The following UNC45B variants were observed in gnomAD, a reference collection of about 807,000 sequenced individuals.
The protein encoded by UNC45B is unc-45 myosin chaperone B.
Under a neutral mutation model 98.7 loss-of-function variants are expected in UNC45B, and 78 were observed. That is an observed-to-expected ratio of 0.79 (90% CI 0.66 to 0.95). The LOEUF is 0.95. Ranked by LOEUF, UNC45B falls within the 40% of genes least tolerant of loss-of-function variation. UNC45B has a pLI of 0.00. For synonymous variants in UNC45B, 462 were observed against 480.4 expected, an observed-to-expected ratio of 0.96 and a Z score of 0.50; for missense variants, 1,225 against 1,184.9, an observed-to-expected ratio of 1.03 and a Z score of -0.50.
intron 18 of UNC45B, among the ~76,000 whole-genome samples, chr17:35,182,249 CT>C (rs2092278688): frequency 6.6e-6 from 1 of 152,076 alleles, no homozygotes; most frequent in African/African-American, 2.4e-5. Flanking sequence ...GCCACCACCC[CT>C]GGCTAATCTT....
At chr17:35,170,919 C>A (rs1350649579) in intron 12 of UNC45B, among the ~76,000 whole-genome samples, 2 of 152,124 alleles carry the variant, frequency 1.3e-5, no homozygotes, top group Non-Finnish European at 2.9e-5. Context: ...GACTCCTTTC[C>A]TCATCTGCTG....
In UNC45B at chr17:35,177,503, G is replaced by C; in HGVS notation, c.2148G>C (p.Glu716Asp). 1 of 1,560,670 alleles carries C rather than the reference G, an allele frequency of 6.4e-7. No individual in the cohort carries two copies. The change falls in exon 17 of 20, where the codon GAG becomes GAC. Residue 716 changes from glutamate to aspartate, a missense_variant. Physicochemically the swap from Glu to Asp is conservative, Grantham distance 45 (BLOSUM62 2). Coordinates refer to ENST00000394570, the MANE Select transcript of UNC45B (RefSeq NM_001267052.2). ...DIAFPGERVY[E>D]VVRPLVRLLD... ...TGACCCCTCCCCAACAGGTGTATGA[G>C]GTGGTGCGGCCCCTTGTAAGACTCT...
intron 2 of UNC45B, 100 bp from the exon 3 acceptor site, chr17:35,148,873 C>T: frequency 6.9e-7 from 1 of 1,447,382 alleles, no homozygotes; most frequent in Non-Finnish European, 9.6e-7. Context: ...GCCTGCAGCT[C>T]CCCCAGGAAA....
intron 4 of UNC45B, among the ~76,000 whole-genome samples, chr17:35,151,404 T>C (rs1027738561): frequency 6.6e-6 from 1 of 152,066 alleles, no homozygotes; most frequent in African/African-American, 2.4e-5. Flanking sequence ...TTGGCCAGAC[T>C]CTCTCGAACT....
At chr17:35,153,246 C>T (rs964225634) in intron 5 of UNC45B, among the ~76,000 whole-genome samples, 2 of 152,092 alleles carry the variant, frequency 1.3e-5, no homozygotes, top group African/African-American at 4.8e-5. Context: ...ATTTTTCTGG[C>T]ATTGATTTTG....
Position 35,154,415 on chromosome 17 carries a change from C to T in UNC45B, c.472-159C>T, listed in dbSNP as rs190806668. 1.6e-3 allele frequency among the ~76,000 whole-genome samples: 249 copies of T among 152,078 alleles called. 2 individuals carry two copies. The highest frequency in any genetic ancestry group is 5.8e-3 in the African/African-American group (239 of 41,458). On this transcript the variant is annotated intron_variant, in intron 5 of 19. Transcript: ENST00000394570. ...TTGGCTTTTTTTCTTGAATTATGTT[C>T]TTGGGCTGTGTTTCCAGGAGGAGGA...
intron 3 of UNC45B, 25 bp from the exon 4 acceptor site, chr17:35,150,023 C>T (rs751767024): frequency 6.4e-7 from 1 of 1,566,864 alleles, no homozygotes; most frequent in Admixed American, 1.8e-5. Context: ...CCCTAAGGTC[C>T]TCATCCCCCG....
chr17:35,152,982 G>T lies in UNC45B; in HGVS notation c.471G>T (p.Lys157Asn). 1 of 1,611,274 alleles carries T rather than the reference G, an allele frequency of 6.2e-7. No homozygotes were observed. The highest frequency in any genetic ancestry group is 8.5e-7 in the Non-Finnish European group (1 of 1,178,556). ...ACAGTGAGGCTGATAAGCGGGAAAA[G>T]GTGAGTGCTGGCCAGTGCCATCCAG... ...DENSEADKRE[K>N]AANNLIVLGR... Residue 157 changes from lysine (K) to asparagine (N), a missense_variant and splice_region_variant, in exon 5 of 20, where the codon AAG (lysine) becomes AAT (asparagine). Lys to Asn is a moderately conservative substitution (Grantham distance 94). Coordinates refer to ENST00000394570, the MANE Select transcript of UNC45B (RefSeq NM_001267052.2).
At chr17:35,149,060 G>T (rs370303310) in intron 3 of UNC45B, 51 bp downstream of exon 3, 10 of 1,608,194 alleles carry the variant, frequency 6.2e-6, no homozygotes, top group Non-Finnish European at 8.5e-6. Flanking sequence ...CCTCTGCATG[G>T]CCTGGGTTTT....
chr17:35,162,934 G>A (rs1485110578), intron 8 of UNC45B, among the ~76,000 whole-genome samples: 6 of 152,230 alleles, frequency 3.9e-5, no homozygotes, highest in East Asian at 1.9e-4. Context: ...ACCTGGCTCC[G>A]AAATCCATCT....
At chr17:35,176,939 A>G in intron 15 of UNC45B, 78 bp from the exon 16 acceptor site, 6 of 1,146,106 alleles carry the variant, frequency 5.2e-6, no homozygotes, top group Non-Finnish European at 7.7e-6. Flanking sequence ...GGACAGACAG[A>G]CAGCACCTGG....
chr17:35,177,160 A>G (rs752264111), intron 16 of UNC45B, 30 bp downstream of exon 16: 3 of 1,590,692 alleles, frequency 1.9e-6, no homozygotes, highest in Non-Finnish European at 2.6e-6. Flanking sequence ...GGATAGGGCA[A>G]TGGGAGGGGT....
chr17:35,177,173 C>T, intron 16 of UNC45B, 43 bp downstream of exon 16: 2 of 1,561,266 alleles, frequency 1.3e-6, no homozygotes, highest in Non-Finnish European at 8.8e-7. Context: ...GGAGGGGTCT[C>T]CTTTGCTCCT....
intron 14 of UNC45B, 61 bp downstream of exon 14, chr17:35,174,430 A>C (rs929857028): frequency 6.2e-7 from 1 of 1,606,792 alleles, no homozygotes; most frequent in Non-Finnish European, 8.5e-7. Flanking sequence ...CCTGGAGTGC[A>C]GCACACTGGG....
intron 2 of UNC45B, 67 bp downstream of exon 2, chr17:35,148,498 C>T (rs2091992483): frequency 1.3e-6 from 2 of 1,532,156 alleles, no homozygotes; most frequent in Non-Finnish European, 1.8e-6. Flanking sequence ...GTGGCAGCCC[C>T]TTCACCCTGA....
At chr17:35,181,225 G>A (rs1351793831) in intron 18 of UNC45B, among the ~76,000 whole-genome samples, 2 of 152,180 alleles carry the variant, frequency 1.3e-5, no homozygotes, top group African/African-American at 2.4e-5. Flanking sequence ...AGAACATGCC[G>A]TAGGCTTCAT....
chr17:35,152,781 A>G (rs2092029639), intron 4 of UNC45B, 112 bp from the exon 5 acceptor site: 2 of 796,370 alleles, frequency 2.5e-6, no homozygotes, highest in Admixed American at 1.7e-5. Flanking sequence ...GAATGAACGT[A>G]TGTGCGGGAG....
intron 11 of UNC45B, 84 bp from the exon 12 acceptor site, chr17:35,170,030 C>T (rs2092171992): frequency 3.7e-6 from 6 of 1,604,650 alleles, no homozygotes; most frequent in Admixed American, 1.7e-5. Flanking sequence ...GGGACCTCAC[C>T]CCTGGTTCAC....
At chr17:35,179,726 G>C (rs2092260600) in intron 17 of UNC45B, among the ~76,000 whole-genome samples, 1 of 150,822 alleles carries the variant, frequency 6.6e-6, no homozygotes, top group South Asian at 2.1e-4. Context: ...ACAGGGCGGG[G>C]AACATCACAC....
Sources: allele counts gnomAD v4.1 joint callset (sites outside exome capture counted in the v4.1 genomes callset), GRCh38; gene constraint gnomAD v4.1.1; transcripts MANE v1.5; gene names NCBI Gene and HGNC (gene_info 2026-07-23, HGNC 2026-07-21).